TTLL5: variants seen among roughly 807,000 people sequenced by gnomAD.
TTLL5 encodes the protein tubulin polyglutamylase TTLL5.
Under a neutral mutation model 168.4 loss-of-function variants are expected in TTLL5, and 132 were observed. The ratio of observed to expected loss-of-function variants is 0.78; its 90% CI spans 0.68 to 0.91. The LOEUF (loss-of-function observed/expected upper bound fraction) is 0.91. Among genes scored for constraint, TTLL5 ranks in the 40% least tolerant of loss-of-function variants. The pLI is 0.00. For missense variants in TTLL5, 1,545 were observed against 1,581.5 expected (o/e 0.98, Z 0.39); for synonymous variants, 546 against 558.6 (o/e 0.98, Z 0.32).
chr14:75,901,863 C>T (rs1475225983), intron 30 of TTLL5, among the ~76,000 whole-genome samples: 1 of 152,178 alleles, frequency 6.6e-6, no homozygotes, highest in East Asian at 1.9e-4. Context: ...ATTCTAGGCA[C>T]TGGAGACACA....
intron 28 of TTLL5, among the ~76,000 whole-genome samples, chr14:75,843,524 T>C (rs1896367338): frequency 6.6e-6 from 1 of 152,352 alleles, no homozygotes; most frequent in Non-Finnish European, 1.5e-5. Flanking sequence ...GGAAATGAAA[T>C]CTTATTTTTT....
intron 27 of TTLL5, among the ~76,000 whole-genome samples, chr14:75,817,889 G>A (rs1459615463): frequency 1.4e-4 from 20 of 141,280 alleles, no homozygotes; most frequent in Admixed American, 1.4e-3. Context: ...CCAGGCTGGA[G>A]TGCAGTAGTG....
chr14:75,739,218 C>T (rs1029477114), intron 15 of TTLL5, among the ~76,000 whole-genome samples: 1 of 151,990 alleles, frequency 6.6e-6, no homozygotes, highest in Non-Finnish European at 1.5e-5. Context: ...GAGAGCAAGA[C>T]CTCTCTTTAG....
chr14:75,790,998 C>A (rs967784885), intron 26 of TTLL5, among the ~76,000 whole-genome samples: 1 of 145,860 alleles, frequency 6.9e-6, no homozygotes, highest in Non-Finnish European at 1.5e-5. Flanking sequence ...CCCAGCTACT[C>A]GGGAGGCTGA....
intron 12 of TTLL5, among the ~76,000 whole-genome samples, chr14:75,722,817 C>T (rs746308890): frequency 5.3e-5 from 8 of 152,054 alleles, no homozygotes; most frequent in Non-Finnish European, 8.8e-5. Flanking sequence ...TGTAAGCCCT[C>T]GCTTGCTACC....
Position 75,735,118 on chromosome 14 carries a change from T to G in TTLL5, c.1187-77T>G, listed in dbSNP as rs1888799430. 3.0e-6 allele frequency: 4 copies of G among 1,342,696 alleles called. No individual in the cohort carries two copies. In the South Asian group the frequency reaches 4.7e-5, roughly 16 times the overall value. The allele number at this position is 1,342,696 out of a possible 1,614,324, so 83.2% of individuals were successfully genotyped here. On this transcript the variant is annotated intron_variant, in intron 14 of 31. Coordinates refer to ENST00000298832, the MANE Select transcript of TTLL5 (RefSeq NM_015072.5). ...ATGACAGTGAAACTGAGTTTGTGTA[T>G]CTAAAGAAAAGGTGCAGCCAGACCT...
intron 28 of TTLL5, among the ~76,000 whole-genome samples, chr14:75,840,577 G>A (rs142132653): frequency 9.2e-4 from 140 of 152,242 alleles, no homozygotes; most frequent in African/African-American, 2.4e-3. Flanking sequence ...AGGGAACTAC[G>A]CAAGGATGTT....
intron 12 of TTLL5, among the ~76,000 whole-genome samples, chr14:75,723,949 A>G (rs1594928495): frequency 6.6e-6 from 1 of 151,426 alleles, no homozygotes; most frequent in East Asian, 1.9e-4. Context: ...GTATATTTGT[A>G]TGAGTCTCTG....
intron 31 of TTLL5, among the ~76,000 whole-genome samples, chr14:75,914,408 A>G (rs1250627808): frequency 6.6e-6 from 1 of 152,066 alleles, no homozygotes; most frequent in Admixed American, 6.6e-5. Context: ...AAAATAGTCC[A>G]TTTCCTCTGT....
At chr14:75,821,005 C>A (rs1431935677) in intron 28 of TTLL5, among the ~76,000 whole-genome samples, 3 of 152,174 alleles carry the variant, frequency 2.0e-5, no homozygotes, top group Non-Finnish European at 4.4e-5. Flanking sequence ...AGCCCTCACG[C>A]CCCATGCCAG....
At chr14:75,788,074 G>C (rs990646758) in intron 26 of TTLL5, among the ~76,000 whole-genome samples, 1 of 152,002 alleles carries the variant, frequency 6.6e-6, no homozygotes, top group South Asian at 2.1e-4. Flanking sequence ...TTGCTTGAGC[G>C]CAGGAGTTCG....
intron 23 of TTLL5, 115 bp downstream of exon 23, chr14:75,776,965 A>G: frequency 1.2e-6 from 1 of 820,786 alleles, no homozygotes; most frequent in African/African-American, 1.7e-5. Flanking sequence ...TCACTCTTAA[A>G]GCCGGGCACA....
At chr14:75,931,123 G>A (rs2034263296) in intron 31 of TTLL5, among the ~76,000 whole-genome samples, 1 of 152,090 alleles carries the variant, frequency 6.6e-6, no homozygotes, top group South Asian at 2.1e-4. Flanking sequence ...AAGATTTGTT[G>A]TGCCCAGCAC....
intron 28 of TTLL5, chr14:75,838,921 ATG>A (rs1402030117): frequency 6.5e-6 from 1 of 152,794 alleles, no homozygotes; most frequent in East Asian, 1.9e-4. Context: ...GTAGTCCCTT[ATG>A]GTAACAAATG....
At chr14:75,699,506 G>T (rs1203919608) in intron 7 of TTLL5, among the ~76,000 whole-genome samples, 1 of 152,176 alleles carries the variant, frequency 6.6e-6, no homozygotes, top group Non-Finnish European at 1.5e-5. Flanking sequence ...TTTTAGGGGA[G>T]GGCAACCTGT....
chr14:75,669,916 C>T (rs1002029683), intron 3 of TTLL5, among the ~76,000 whole-genome samples: 1 of 152,124 alleles, frequency 6.6e-6, no homozygotes, highest in East Asian at 1.9e-4. Flanking sequence ...TATCCCCAGC[C>T]CCCATACCAC....
intron 28 of TTLL5, among the ~76,000 whole-genome samples, chr14:75,821,004 G>A (rs951729205): frequency 7.2e-5 from 11 of 152,080 alleles, no homozygotes; most frequent in African/African-American, 2.4e-4. Flanking sequence ...AAGCCCTCAC[G>A]CCCCATGCCA....
At chr14:75,910,583 G>C (rs1464742311) in intron 31 of TTLL5, among the ~76,000 whole-genome samples, 1 of 152,206 alleles carries the variant, frequency 6.6e-6, no homozygotes, top group Non-Finnish European at 1.5e-5. Context: ...AATTGCTCCT[G>C]AAAGTTCTAA....
At chr14:75,891,583 A>T (rs1487064085) in intron 30 of TTLL5, among the ~76,000 whole-genome samples, 1 of 152,172 alleles carries the variant, frequency 6.6e-6, no homozygotes, top group African/African-American at 2.4e-5. Flanking sequence ...GATAGCTTAT[A>T]TTCGTAAGTT....
Sources: allele counts gnomAD v4.1 joint callset (sites outside exome capture counted in the v4.1 genomes callset), GRCh38; gene constraint gnomAD v4.1.1; transcripts MANE v1.5; gene names NCBI Gene and HGNC (gene_info 2026-07-23, HGNC 2026-07-21).